Variants in RUNX2 observed in about 807,000 individuals in gnomAD.
RUNX2 encodes the protein runt-related transcription factor 2.
In RUNX2, 10 loss-of-function variants were observed where a neutral mutation model predicts 51.7. That is an observed-to-expected ratio of 0.19 (90% CI 0.12 to 0.33). The LOEUF (loss-of-function observed/expected upper bound fraction) is 0.33. Among genes scored for constraint, RUNX2 ranks in the 10% least tolerant of loss-of-function variants. The probability of loss-of-function intolerance (pLI) is 1.00; values close to 1 mark genes in which losing one functional copy is unlikely to be tolerated. For missense variants in RUNX2, 562 were observed against 691.3 expected (o/e 0.81, Z 2.10); for synonymous variants, 276 against 273.6 (o/e 1.01, Z -0.09).
intron 2 of RUNX2, among the ~76,000 whole-genome samples, chr6:45,379,862 CA>C (rs963634715): frequency 1.6e-4 from 24 of 147,634 alleles, no homozygotes; most frequent in Middle Eastern, 3.4e-3. Flanking sequence ...TAGACTCCGT[CA>C]AAAAAAGAAA....
At chr6:45,491,760 C>T (rs1347722731) in intron 5 of RUNX2, among the ~76,000 whole-genome samples, 181 bp from the exon 6 acceptor site, 1 of 151,592 alleles carries the variant, frequency 6.6e-6, no homozygotes, top group Non-Finnish European at 1.5e-5. Flanking sequence ...GAATGCTGGC[C>T]ACCAGATACC....
rs116171196 is a variant in RUNX2, at chr6:45,423,236, C to T, written c.423+279C>T. 2.8e-3 allele frequency among the ~76,000 whole-genome samples: 424 copies of T among 152,254 alleles called. 4 individuals carry two copies. The highest frequency in any genetic ancestry group is 9.3e-3 in the African/African-American group (388 of 41,570). On this transcript the variant is annotated intron_variant, in intron 3 of 8. Transcript: ENST00000647337. ...CGTTCAGCACTCCTCATGCCTCCTG[C>T]CTGGCCTTGATTCTCACTCACTCCT...
At chr6:45,374,362 CT>C (rs1479352756) in intron 2 of RUNX2, among the ~76,000 whole-genome samples, 4 of 152,098 alleles carry the variant, frequency 2.6e-5, no homozygotes, top group Non-Finnish European at 5.9e-5. Flanking sequence ...TTAAATTAAC[CT>C]CTTATGAACC....
At chr6:45,343,787 T>G (rs1418891866) in intron 2 of RUNX2, among the ~76,000 whole-genome samples, 1 of 152,176 alleles carries the variant, frequency 6.6e-6, no homozygotes, top group African/African-American at 2.4e-5. Flanking sequence ...ACACAGAAGT[T>G]TGTGAGGCAT....
chr6:45,373,545 T>TTGTG (rs368652949), intron 2 of RUNX2, among the ~76,000 whole-genome samples: 172 of 150,306 alleles, frequency 1.1e-3, no homozygotes, highest in African/African-American at 4.0e-3. Flanking sequence ...AAAATATTAT[T>TTGTG]TGTGTGTGTG....
At chr6:45,449,997 C>T (rs900196135) in intron 5 of RUNX2, among the ~76,000 whole-genome samples, 1 of 152,156 alleles carries the variant, frequency 6.6e-6, no homozygotes, top group South Asian at 2.1e-4. Context: ...TGATGTGTAT[C>T]TCCCAGATAT....
intron 2 of RUNX2, among the ~76,000 whole-genome samples, chr6:45,356,485 C>T (rs1793212797): frequency 1.3e-5 from 2 of 152,046 alleles, no homozygotes; most frequent in African/African-American, 4.8e-5. Flanking sequence ...GCAACCTCCA[C>T]CCACCAGGAT....
chr6:45,500,266 T>C (rs1416405801), intron 6 of RUNX2, among the ~76,000 whole-genome samples: 1 of 152,142 alleles, frequency 6.6e-6, no homozygotes, highest in African/African-American at 2.4e-5. Flanking sequence ...ATAGCAACAA[T>C]AATATATTAT....
chr6:45,351,925 T>C (rs1792134330), intron 2 of RUNX2, among the ~76,000 whole-genome samples: 1 of 152,138 alleles, frequency 6.6e-6, no homozygotes, highest in South Asian at 2.1e-4. Flanking sequence ...CACTGACAAC[T>C]TAGGCAACAA....
chr6:45,396,920 T>G (rs1237144511), intron 2 of RUNX2, among the ~76,000 whole-genome samples: 1 of 152,192 alleles, frequency 6.6e-6, no homozygotes, highest in Non-Finnish European at 1.5e-5. Context: ...TTGATGGACA[T>G]TTGGATCATT....
intron 7 of RUNX2, among the ~76,000 whole-genome samples, chr6:45,524,518 C>T (rs993612724): frequency 1.4e-4 from 22 of 152,190 alleles, no homozygotes; most frequent in African/African-American, 5.3e-4. Context: ...AGTAACAATG[C>T]TATAGTTGAT....
intron 2 of RUNX2, among the ~76,000 whole-genome samples, chr6:45,334,143 T>G (rs1562970582): frequency 6.6e-6 from 1 of 151,164 alleles, no homozygotes; most frequent in Admixed American, 6.6e-5. Context: ...TACATCAGAT[T>G]AGTGACATTT....
chr6:45,478,045 C>T (rs1800005612), intron 5 of RUNX2, among the ~76,000 whole-genome samples: 1 of 152,120 alleles, frequency 6.6e-6, no homozygotes, highest in Non-Finnish European at 1.5e-5. Flanking sequence ...GGAATGTTAT[C>T]TTCTTCTGCA....
chr6:45,353,429 C>T (rs559647054), intron 2 of RUNX2, among the ~76,000 whole-genome samples: 2 of 151,958 alleles, frequency 1.3e-5, no homozygotes, highest in South Asian at 2.1e-4. Context: ...TAAAATAATG[C>T]AGTACTGGCA....
chr6:45,389,933 G>A lies in RUNX2; in HGVS notation c.59-32660G>A, dbSNP rs567268616. 2.6e-5 allele frequency among the ~76,000 whole-genome samples: 4 copies of A among 152,124 alleles called. No homozygotes were observed. The East Asian group carries it at 5.8e-4, about 22-fold the overall frequency. ...AGGCACGAGAATCACTTGAACCTGG[G>A]AGATGGAGGTTGCAGTGAGCCGAGA... On this transcript the variant is annotated intron_variant, in intron 2 of 8. Transcript: ENST00000647337.
At chr6:45,414,772 T>A (rs1798028434) in intron 2 of RUNX2, among the ~76,000 whole-genome samples, 1 of 143,284 alleles carries the variant, frequency 7.0e-6, no homozygotes, top group South Asian at 2.3e-4. Context: ...TTTTTTTTTT[T>A]TTTTTTTTTT....
chr6:45,358,683 G>A (rs1406498541), intron 2 of RUNX2, among the ~76,000 whole-genome samples: 3 of 152,124 alleles, frequency 2.0e-5, no homozygotes, highest in African/African-American at 4.8e-5. Context: ...CAGGTTCACA[G>A]TCTCTTATCT....
intron 2 of RUNX2, among the ~76,000 whole-genome samples, chr6:45,378,222 G>A (rs544558310): frequency 6.6e-6 from 1 of 152,238 alleles, no homozygotes; most frequent in Non-Finnish European, 1.5e-5. Flanking sequence ...GACGAGCTGA[G>A]ATCGGTCAGG....
At chr6:45,432,084 G>A (rs543795415) in intron 4 of RUNX2, 65 bp downstream of exon 4, 2 of 1,458,460 alleles carry the variant, frequency 1.4e-6, no homozygotes, top group Admixed American at 1.8e-5. Context: ...ATGAAATGTA[G>A]ACTAGTCTGT....
Sources: allele counts gnomAD v4.1 joint callset (sites outside exome capture counted in the v4.1 genomes callset), GRCh38; gene constraint gnomAD v4.1.1; transcripts MANE v1.5; gene names NCBI Gene and HGNC (gene_info 2026-07-23, HGNC 2026-07-21).